LDLRAD4: variants seen among roughly 807,000 people sequenced by gnomAD.
LDLRAD4 encodes the protein low density lipoprotein receptor class A domain containing 4.
In LDLRAD4, 5 loss-of-function variants were observed where a neutral mutation model predicts 17.0. The ratio of observed to expected loss-of-function variants is 0.29; its 90% CI spans 0.15 to 0.62. LDLRAD4 has a LOEUF of 0.62. LDLRAD4 is among the 20% of genes least tolerant of loss of function. The pLI is 0.84. For synonymous variants in LDLRAD4, 168 were observed against 171.8 expected (o/e 0.98, Z 0.17); for missense variants, 340 against 424.7 (o/e 0.80, Z 1.75).
intron 1 of LDLRAD4, among the ~76,000 whole-genome samples, chr18:13,301,774 A>G (rs2046617162): frequency 2.6e-5 from 4 of 152,218 alleles, no homozygotes; most frequent in Admixed American, 2.0e-4. Context: ...TAAGTGATGG[A>G]TGGCCTAAAG....
chr18:13,446,064 C>A (rs1054737184), intron 3 of LDLRAD4, among the ~76,000 whole-genome samples: 7 of 152,168 alleles, frequency 4.6e-5, no homozygotes, highest in African/African-American at 1.7e-4. Context: ...CAGTAAGCAT[C>A]ATCTATTGGA....
At chr18:13,445,994 G>T (rs1234347016) in intron 3 of LDLRAD4, among the ~76,000 whole-genome samples, 6 of 152,170 alleles carry the variant, frequency 3.9e-5, no homozygotes, top group Non-Finnish European at 8.8e-5. Context: ...TTGTTCTGAG[G>T]ATTTACTGAA....
In LDLRAD4 at chr18:13,645,609, A is replaced by C; in HGVS notation, c.873A>C (p.Thr291=). 6.5e-7 allele frequency: 1 copy of C among 1,536,740 alleles called. No homozygotes were observed. Among genetic ancestry groups the C allele is most frequent in the Non-Finnish European group, 8.8e-7 (1 of 1,142,490 alleles). The stretch of plus-strand genomic sequence containing the variant: ...TTCAGCAGAACAATGCAGAGAGCAC[A>C]ATAGTACCCATCAAAGGCAAAGATA... The change falls in exon 6 of 6, where the codon ACA becomes ACC. Residue 291 remains threonine (T), a synonymous_variant. Transcript: ENST00000359446. This position sits in a 1 kb window ranked among gnomAD's most constrained non-coding sequence, Gnocchi z 5.7.
chr18:13,471,405 A>C (rs1027227351), intron 3 of LDLRAD4: 1 of 152,216 alleles, frequency 6.6e-6, no homozygotes, highest in East Asian at 1.9e-4. Context: ...TGGGCTCCCC[A>C]CTGGAAGGGA....
intron 3 of LDLRAD4, among the ~76,000 whole-genome samples, chr18:13,587,430 G>A (rs1046301809): frequency 1.3e-5 from 2 of 152,074 alleles, no homozygotes; most frequent in African/African-American, 4.8e-5. Context: ...GAGAACAGTC[G>A]ACCTGTCAGA....
intron 3 of LDLRAD4, among the ~76,000 whole-genome samples, chr18:13,452,818 C>T (rs1216567611): frequency 6.6e-6 from 1 of 152,180 alleles, no homozygotes; most frequent in Admixed American, 6.5e-5. Context: ...GATAAGAACT[C>T]ATCGGACCCC....
chr18:13,424,400 G>A (rs530321038), intron 2 of LDLRAD4, among the ~76,000 whole-genome samples: 1 of 152,290 alleles, frequency 6.6e-6, no homozygotes, highest in African/African-American at 2.4e-5. Context: ...ACAAGTGAAA[G>A]AAACAAAACT....
intron 3 of LDLRAD4, among the ~76,000 whole-genome samples, chr18:13,567,694 C>T (rs566358796): frequency 2.6e-5 from 4 of 151,076 alleles, no homozygotes; most frequent in Middle Eastern, 3.5e-3. Context: ...ATAATTGTGA[C>T]GTTGGTAAAA....
intron 1 of LDLRAD4, among the ~76,000 whole-genome samples, chr18:13,314,262 G>A (rs929750824): frequency 1.3e-5 from 2 of 152,092 alleles, no homozygotes; most frequent in Admixed American, 1.3e-4. Flanking sequence ...CTTTAAAAGA[G>A]GCAATTTTGT....
rs183343035 is a variant in LDLRAD4, at chr18:13,223,393, G to T, written c.-467+4405G>T. 1.2e-3 allele frequency among the ~76,000 whole-genome samples: 180 copies of T among 152,312 alleles called. No individual in the cohort carries two copies. The Middle Eastern group carries it at 0.02, about 17-fold the overall frequency. On this transcript the variant is annotated intron_variant, in intron 1 of 5. Transcript: ENST00000399848. Reference sequence around the variant, plus strand: ...CTCTGCAGATGTGCTTCGACTTCCTGCCTCTGGGGTTTGCAGAATGGCAGG... The same window carrying T: ...CTCTGCAGATGTGCTTCGACTTCCTTCCTCTGGGGTTTGCAGAATGGCAGG...
chr18:13,219,511 A>G (rs569563912), intron 1 of LDLRAD4, among the ~76,000 whole-genome samples: 5 of 152,186 alleles, frequency 3.3e-5, no homozygotes, highest in African/African-American at 1.2e-4. Context: ...ATTGCAATAC[A>G]TATTTATTGA....
chr18:13,455,792 A>G (rs2146463229), intron 3 of LDLRAD4, among the ~76,000 whole-genome samples: 1 of 152,208 alleles, frequency 6.6e-6, no homozygotes, highest in East Asian at 1.9e-4. Context: ...GTGATCTAAC[A>G]TACAATTGAG....
chr18:13,644,886 C>A (rs750343345), intron 5 of LDLRAD4: 2 of 519,946 alleles, frequency 3.8e-6, no homozygotes, highest in Non-Finnish European at 6.8e-6. Context: ...CCACAGCTCT[C>A]CATTGCTCAG....
At chr18:13,528,102 G>T (rs990093427) in intron 3 of LDLRAD4, among the ~76,000 whole-genome samples, 1 of 152,110 alleles carries the variant, frequency 6.6e-6, no homozygotes, top group African/African-American at 2.4e-5. Flanking sequence ...CTGATATGCT[G>T]CCCTGGACAA....
At chr18:13,452,362 G>T (rs112938844) in intron 3 of LDLRAD4, among the ~76,000 whole-genome samples, 1 of 152,098 alleles carries the variant, frequency 6.6e-6, no homozygotes, top group East Asian at 1.9e-4. Context: ...ACTGGGTGCC[G>T]TGGAGGGGGG....
intron 1 of LDLRAD4, among the ~76,000 whole-genome samples, chr18:13,360,121 G>A (rs2083574081): frequency 6.6e-6 from 1 of 152,226 alleles, no homozygotes; most frequent in South Asian, 2.1e-4. Flanking sequence ...TCCTGAGCGA[G>A]GGGCAGGCTT....
At position 13,286,692 on chromosome 18, in the gene LDLRAD4, G is replaced by A. The variant is rs76200776; in HGVS notation, c.-383+8504G>A. Among the ~76,000 whole-genome samples the A allele has an allele frequency of 7.7e-3, 1,167 of 152,308 alleles. 9 individuals are homozygous for A. The highest frequency in any genetic ancestry group is 0.017 in the Middle Eastern group (5 of 294). On this transcript the variant is annotated intron_variant, in intron 1 of 5. Coordinates refer to ENST00000359446, the Ensembl canonical transcript of LDLRAD4. ...CAGAGGAGACAGTGTCATTAGATGC[G>A]TGTTTAGGAAGCTGAGTCTGGTGGC... is the stretch of plus-strand genomic sequence containing the variant.
chr18:13,629,348 C>T (rs1315688908), intron 4 of LDLRAD4, among the ~76,000 whole-genome samples: 1 of 152,164 alleles, frequency 6.6e-6, no homozygotes, highest in Non-Finnish European at 1.5e-5. Flanking sequence ...GCAAGCACGA[C>T]TCAATTAGTG....
At chr18:13,411,552 T>G (rs2088362223) in intron 2 of LDLRAD4, among the ~76,000 whole-genome samples, 1 of 152,176 alleles carries the variant, frequency 6.6e-6, no homozygotes, top group African/African-American at 2.4e-5. Context: ...CCTATGCTGT[T>G]CTCATGATAG....
Sources: gnomAD v4.1 joint callset for allele counts (sites outside exome capture counted in the v4.1 genomes callset) on GRCh38, gnomAD v4.1.1 for gene constraint, Gnocchi (gnomAD v3.1) non-coding constraint, MANE v1.5 for transcripts, NCBI Gene and HGNC (gene_info 2026-07-23, HGNC 2026-07-21) for gene names.